The following VDAC1 variants were observed in gnomAD, a reference collection of about 807,000 sequenced individuals.
The protein encoded by VDAC1 is voltage dependent anion channel 1.
VDAC1 carries 10 observed loss-of-function variants against 34.7 expected under a neutral mutation model. The observed-to-expected ratio is 0.29, with a 90% CI of 0.18 to 0.49. VDAC1 has a LOEUF of 0.49. Ranked by LOEUF, VDAC1 falls within the 20% of genes least tolerant of loss-of-function variation. The probability of loss-of-function intolerance (pLI) is 0.99; values close to 1 mark genes in which losing one functional copy is unlikely to be tolerated. For synonymous variants in VDAC1, 130 were observed against 136.0 expected (o/e 0.96, Z 0.30); for missense variants, 230 against 347.9 (o/e 0.66, Z 2.69).
the VDAC1 span, among the ~76,000 whole-genome samples, chr5:134,071,311 C>A: frequency 6.6e-6 from 1 of 152,238 alleles, no homozygotes; most frequent in South Asian, 2.1e-4. This position sits in a 1 kb window ranked among gnomAD's most constrained non-coding sequence, Gnocchi z 4.1. Context: ...CACTTCAAAG[C>A]GCCGCGTGTA....
the VDAC1 span, among the ~76,000 whole-genome samples, chr5:134,085,492 C>G: frequency 9.2e-5 from 14 of 151,964 alleles, no homozygotes; most frequent in Non-Finnish European, 2.1e-4. Flanking sequence ...CTCCTTTGGC[C>G]TCAGGGTTCT....
At chr5:134,051,351 G>C in the VDAC1 span, among the ~76,000 whole-genome samples, 2 of 152,238 alleles carry the variant, frequency 1.3e-5, no homozygotes, top group African/African-American at 2.4e-5. Context: ...AGTGAAGAAG[G>C]CGCCTTGGGA....
chr5:133,972,394 A>G lies in VDAC1; in HGVS notation c.*377T>C, dbSNP rs1752329263. The G allele has an allele frequency of 2.4e-6, 1 of 410,576 alleles. No individual in the cohort carries two copies. Among genetic ancestry groups the G allele is most frequent in the Non-Finnish European group, 4.3e-6 (1 of 233,302 alleles). The allele number at this position is 410,576 out of a possible 1,614,324, so 25.4% of individuals were successfully genotyped here. A position where few individuals can be genotyped will look rare whatever the true frequency, so the allele number is the denominator to read the frequency against. On this transcript the variant is annotated 3_prime_UTR_variant, in exon 9 of 9. Coordinates refer to ENST00000265333, the MANE Select transcript of VDAC1 (RefSeq NM_003374.3). ...CACACCATCAAGCAGCGAGCCTCTCATCAATTAGGGTTAGGGAACCAAGGT... is the reference window on the plus strand; with the variant it reads ...CACACCATCAAGCAGCGAGCCTCTCGTCAATTAGGGTTAGGGAACCAAGGT...
intron 7 of VDAC1, 40 bp from the exon 8 acceptor site, chr5:133,973,888 TA>T: frequency 6.3e-7 from 1 of 1,586,614 alleles, no homozygotes; most frequent in Non-Finnish European, 8.6e-7. Context: ...ACATTAAGTA[TA>T]ATACTTTGCA....
At chr5:134,075,789 G>A in the VDAC1 span, among the ~76,000 whole-genome samples, 1 of 151,996 alleles carries the variant, frequency 6.6e-6, no homozygotes, top group Non-Finnish European at 1.5e-5. Context: ...GTTTCACCAT[G>A]TTAGCCAGGA....
the VDAC1 span, among the ~76,000 whole-genome samples, chr5:134,020,967 G>A: frequency 3.3e-5 from 5 of 150,266 alleles, no homozygotes; most frequent in Admixed American, 6.7e-5. Flanking sequence ...AGACCAGCCT[G>A]GGCAACATAA....
chr5:133,994,849 G>A (rs917321033), intron 1 of VDAC1, among the ~76,000 whole-genome samples: 2 of 152,112 alleles, frequency 1.3e-5, no homozygotes, highest in African/African-American at 4.8e-5. Context: ...GGGGGCTGGG[G>A]AAGCAGAAGG....
At chr5:134,062,780 C>G in the VDAC1 span, among the ~76,000 whole-genome samples, 1 of 151,716 alleles carries the variant, frequency 6.6e-6, no homozygotes, top group South Asian at 2.1e-4. Flanking sequence ...GCGCCCACCA[C>G]CATGCTCAGC....
the VDAC1 span, among the ~76,000 whole-genome samples, chr5:134,038,845 G>T: frequency 2.0e-5 from 3 of 150,952 alleles, no homozygotes; most frequent in Non-Finnish European, 4.4e-5. Flanking sequence ...GCCAAGGTGT[G>T]TTTATATGTT....
At chr5:133,988,772 CAA>C (rs35793271) in intron 5 of VDAC1, 9 of 128,228 alleles carry the variant, frequency 7.0e-5, no homozygotes, top group East Asian at 2.1e-4. Context: ...CCCCTCAACC[CAA>C]AAAAAAAAAA....
chr5:133,988,411 A>C (rs918449812), intron 5 of VDAC1, among the ~76,000 whole-genome samples: 5 of 152,006 alleles, frequency 3.3e-5, no homozygotes, highest in Admixed American at 1.3e-4. Context: ...ACATGGAGAG[A>C]CCCTGTCTCT....
chr5:134,105,622 G>C, the VDAC1 span, among the ~76,000 whole-genome samples: 1 of 152,208 alleles, frequency 6.6e-6, no homozygotes, highest in African/African-American at 2.4e-5. Context: ...TGAGCAAGAC[G>C]GAGGAGTCCT....
the VDAC1 span, among the ~76,000 whole-genome samples, chr5:134,071,070 G>A: frequency 1.3e-5 from 2 of 152,186 alleles, no homozygotes; most frequent in Non-Finnish European, 2.9e-5. The surrounding 1 kb of genome is among the most constrained non-coding windows in gnomAD (Gnocchi z 4.1). Context: ...GAGTCCCGAG[G>A]GGTGACCAAT....
At chr5:134,086,613 C>T in the VDAC1 span, among the ~76,000 whole-genome samples, 2 of 152,226 alleles carry the variant, frequency 1.3e-5, no homozygotes, top group Non-Finnish European at 2.9e-5. Context: ...TTCCTCCTGT[C>T]CCAGGACCTC....
At chr5:134,006,658 G>C (rs1050832073), upstream of VDAC1, among the ~76,000 whole-genome samples, 2 of 149,984 alleles carry the variant, frequency 1.3e-5, no homozygotes, top group Admixed American at 6.7e-5. Flanking sequence ...CACGAGAATC[G>C]CTTGAACTTG....
chr5:134,040,919 G>A, the VDAC1 span, among the ~76,000 whole-genome samples: 1 of 152,182 alleles, frequency 6.6e-6, no homozygotes, highest in East Asian at 1.9e-4. Context: ...CTTTTTAAAT[G>A]TGGTTCAAAA....
chr5:134,094,695 C>CAAAAA, the VDAC1 span, among the ~76,000 whole-genome samples: 1 of 68,504 alleles, frequency 1.5e-5, no homozygotes, highest in African/African-American at 6.3e-5. Flanking sequence ...GACTCCGTCT[C>CAAAAA]AAAAAAAAAA....
the VDAC1 span, among the ~76,000 whole-genome samples, chr5:134,089,174 G>C: frequency 6.6e-6 from 1 of 152,240 alleles, no homozygotes; most frequent in Non-Finnish European, 1.5e-5. Flanking sequence ...CAAGGACAAA[G>C]AGCAGAGTGC....
the VDAC1 span, among the ~76,000 whole-genome samples, chr5:134,065,253 G>T: frequency 6.7e-6 from 1 of 149,346 alleles, no homozygotes; most frequent in South Asian, 2.1e-4. Context: ...TTTCTCTGTG[G>T]TTTCCTCTTT....
Sources: gnomAD v4.1 joint callset for allele counts (sites outside exome capture counted in the v4.1 genomes callset) on GRCh38, gnomAD v4.1.1 for gene constraint, Gnocchi (gnomAD v3.1) non-coding constraint, MANE v1.5 for transcripts, NCBI Gene and HGNC (gene_info 2026-07-23, HGNC 2026-07-21) for gene names.